Variants in PTPRC observed in about 807,000 individuals in gnomAD.
PTPRC encodes the protein protein tyrosine phosphatase receptor type C, also known as receptor-type tyrosine-protein phosphatase C.
In PTPRC, 44 loss-of-function variants were observed where a neutral mutation model predicts 155.9. The observed-to-expected ratio is 0.28, with a 90% CI of 0.22 to 0.36. The LOEUF is 0.36. PTPRC is among the 10% of genes least tolerant of loss of function. The pLI, the probability that PTPRC is intolerant of heterozygous loss-of-function variation, is 1.00. For synonymous variants in PTPRC, 525 were observed against 533.1 expected (o/e 0.98, Z 0.21); for missense variants, 1,401 against 1,564.6 (o/e 0.90, Z 1.76).
intron 2 of PTPRC, among the ~76,000 whole-genome samples, chr1:198,666,531 G>A (rs1038227341): frequency 1.3e-5 from 2 of 152,018 alleles, no homozygotes; most frequent in Admixed American, 1.3e-4. Flanking sequence ...AAAATAAAGG[G>A]TCTGTTAATC....
At chr1:198,695,935 G>A (rs2102381687) in intron 3 of PTPRC, among the ~76,000 whole-genome samples, 1 of 152,248 alleles carries the variant, frequency 6.6e-6, no homozygotes, top group South Asian at 2.1e-4. Context: ...GCCGAGGCGG[G>A]TGGATCACGA....
At chr1:198,714,577 A>C (rs748352689) in intron 12 of PTPRC, among the ~76,000 whole-genome samples, 1 of 152,154 alleles carries the variant, frequency 6.6e-6, no homozygotes, top group Non-Finnish European at 1.5e-5. Context: ...TTGGTGACTG[A>C]ATGCAGCTTT....
At chr1:198,651,434 T>C (rs898357994) in intron 2 of PTPRC, among the ~76,000 whole-genome samples, 4 of 151,704 alleles carry the variant, frequency 2.6e-5, no homozygotes, top group Non-Finnish European at 4.4e-5. Flanking sequence ...GAATCTAATA[T>C]CGTGAAAATT....
At chr1:198,692,537 A>G in intron 3 of PTPRC, 164 bp downstream of exon 3, 1 of 1,096,322 alleles carries the variant, frequency 9.1e-7, no homozygotes, top group Admixed American at 4.1e-5. Flanking sequence ...TTCTGCTTAT[A>G]CGTTATAGAG....
intron 2 of PTPRC, among the ~76,000 whole-genome samples, chr1:198,642,853 C>A (rs1424954958): frequency 1.3e-5 from 2 of 151,680 alleles, no homozygotes; most frequent in African/African-American, 4.8e-5. Context: ...CACTAATGAT[C>A]TGGGGGCTAG....
chr1:198,732,178 T>A (rs1654420676), intron 18 of PTPRC, 122 bp from the exon 19 acceptor site: 1 of 841,908 alleles, frequency 1.2e-6, no homozygotes, highest in Non-Finnish European at 1.9e-6. Flanking sequence ...CTAAGCAAAT[T>A]TTTTTATCAA....
chr1:198,689,346 A>C (rs913352556), intron 2 of PTPRC, among the ~76,000 whole-genome samples: 3 of 152,146 alleles, frequency 2.0e-5, no homozygotes, highest in African/African-American at 7.2e-5. Flanking sequence ...AGCTTCACAT[A>C]GTGTCCCAGC....
intron 2 of PTPRC, among the ~76,000 whole-genome samples, chr1:198,659,062 A>C (rs1202818960): frequency 6.6e-6 from 1 of 152,190 alleles, no homozygotes; most frequent in African/African-American, 2.4e-5. Flanking sequence ...GATGAATTTG[A>C]AGTTGAGAAC....
rs1653935803 is a variant in PTPRC at position 198,722,412 on chromosome 1, T to C, written c.1660-4T>C. ...TTATTTTATTTTTTGTTACTGAAAT[T>C]CAGGCCTATTTTCACAATGGAGACT... is the stretch of plus-strand genomic sequence containing the variant. On this transcript the variant is annotated splice_region_variant and splice_polypyrimidine_tract_variant and intron_variant, in intron 14 of 32. Transcript: ENST00000442510. 9.8e-6 allele frequency: 14 copies of C among 1,427,430 alleles called. No homozygotes were observed. Among genetic ancestry groups the C allele is most frequent in the Non-Finnish European group, 1.3e-5 (14 of 1,080,018 alleles). 88.4% of individuals were successfully genotyped at this position (1,427,430 alleles called of 1,614,324 possible). A position where few individuals can be genotyped will look rare whatever the true frequency, so the allele number is the denominator to read the frequency against.
rs147527594 is a variant in PTPRC at position 198,661,718 on chromosome 1, C to T, written c.73+22377C>T. On this transcript the variant is annotated intron_variant, in intron 2 of 32. Transcript: ENST00000442510. The stretch of plus-strand genomic sequence containing the variant: ...ACACTGAGAACCACTGATACGCCAA[C>T]AAGATAAAATTCTTATCCTTACCGC... 1.7e-3 allele frequency among the ~76,000 whole-genome samples: 266 copies of T among 152,212 alleles called. 1 individual carries two copies. The highest frequency in any genetic ancestry group is 5.7e-3 in the African/African-American group (237 of 41,540).
chr1:198,691,823 A>G (rs1254883806), intron 2 of PTPRC, among the ~76,000 whole-genome samples: 1 of 152,058 alleles, frequency 6.6e-6, no homozygotes, highest in Non-Finnish European at 1.5e-5. Context: ...TGATCCTGTT[A>G]TGTTCTCCTT....
intron 10 of PTPRC, among the ~76,000 whole-genome samples, chr1:198,709,230 C>T (rs1653157834): frequency 6.6e-6 from 1 of 152,056 alleles, no homozygotes; most frequent in South Asian, 2.1e-4. Flanking sequence ...GCGGCTCAAA[C>T]AAGTGAAAAA....
chr1:198,752,451 G>C, intron 30 of PTPRC, 80 bp downstream of exon 30: 1 of 1,561,792 alleles, frequency 6.4e-7, no homozygotes, highest in Non-Finnish European at 8.8e-7. Context: ...CTCTATGCAG[G>C]CAAGGCCATC....
In PTPRC at chr1:198,706,716, T is replaced by C; in HGVS notation, c.686-18T>C. On this transcript the variant is annotated intron_variant, in intron 8 of 32. Coordinates refer to ENST00000442510, the MANE Select transcript of PTPRC (RefSeq NM_002838.5). ...TTTATTCTGGAAAAATAACACTCAA[T>C]GTTCTATTTTCTTTTAGATGAAAAA... 1 of 1,597,756 alleles carries C rather than the reference T, an allele frequency of 6.3e-7. No homozygotes were observed. The highest frequency in any genetic ancestry group is 8.6e-7 in the Non-Finnish European group (1 of 1,167,664).
At chr1:198,692,777 C>G (rs956797535) in intron 3 of PTPRC, 1 of 915,668 alleles carries the variant, frequency 1.1e-6, no homozygotes, top group Non-Finnish European at 1.3e-6. Flanking sequence ...TTGCATATGT[C>G]TATATTTCTT....
At chr1:198,744,503 C>T (rs1558036050) in intron 26 of PTPRC, among the ~76,000 whole-genome samples, 1 of 151,842 alleles carries the variant, frequency 6.6e-6, no homozygotes, top group African/African-American at 2.4e-5. Flanking sequence ...AGCCACAAAA[C>T]TGGTCTGCCA....
chr1:198,743,048 T>C (rs1244787090), intron 25 of PTPRC, among the ~76,000 whole-genome samples: 1 of 135,764 alleles, frequency 7.4e-6, no homozygotes, highest in Non-Finnish European at 1.5e-5. Context: ...GTGCATTGCA[T>C]TCAGCATTGT....
chr1:198,657,262 G>A (rs1360578418), intron 2 of PTPRC, among the ~76,000 whole-genome samples: 9 of 151,950 alleles, frequency 5.9e-5, no homozygotes, highest in Non-Finnish European at 1.0e-4. Flanking sequence ...TTGATAAAGT[G>A]TTAGTGGCAA....
intron 1 of PTPRC, 41 bp from the exon 2 acceptor site, chr1:198,639,185 A>AG: frequency 8.9e-7 from 1 of 1,127,970 alleles, no homozygotes; most frequent in Non-Finnish European, 1.4e-6. Flanking sequence ...GTTTTTACAG[A>AG]GAAAAACTTC....
Sources: gnomAD v4.1 joint callset for allele counts (sites outside exome capture counted in the v4.1 genomes callset) on GRCh38, gnomAD v4.1.1 for gene constraint, MANE v1.5 for transcripts, NCBI Gene and HGNC (gene_info 2026-07-23, HGNC 2026-07-21) for gene names.